Variants in KIF1A observed in about 807,000 individuals in gnomAD.
KIF1A encodes the protein kinesin-like protein KIF1A.
A neutral mutation model predicts 227.3 loss-of-function variants in KIF1A; 46 were observed. That is an observed-to-expected ratio of 0.20 (90% CI 0.16 to 0.26). The LOEUF (loss-of-function observed/expected upper bound fraction) is 0.26. Among genes scored for constraint, KIF1A ranks in the 10% least tolerant of loss-of-function variants. The pLI, the probability that KIF1A is intolerant of heterozygous loss-of-function variation, is 1.00. For synonymous variants in KIF1A, 1,022 were observed against 1,012.8 expected (o/e 1.01, Z -0.17); for missense variants, 1,683 against 2,485.9 (o/e 0.68, Z 6.87).
intron 38 of KIF1A, among the ~76,000 whole-genome samples, chr2:240,729,440 A>G (rs566642614): frequency 6.6e-6 from 1 of 152,306 alleles, no homozygotes; most frequent in African/African-American, 2.4e-5. Context: ...AGGTCCTCCC[A>G]GCCCAGGCAC....
Position 240,747,008 on chromosome 2 carries a change from C to T in KIF1A, c.3063+228G>A, listed in dbSNP as rs113474612. ...CTGCGCCCCGACTTGGACCCTGGAG[C>T]GGCCGTGGTGGGAGATGGGCGGATC... On this transcript the variant is annotated intron_variant, in intron 29 of 48. Coordinates refer to ENST00000498729, the MANE Select transcript of KIF1A (RefSeq NM_001244008.2). Among the ~76,000 whole-genome samples, 161 of 152,268 alleles carry T rather than the reference C, an allele frequency of 1.1e-3. 1 individual carries two copies. Among genetic ancestry groups the T allele is most frequent in the African/African-American group, 3.7e-3 (155 of 41,546 alleles).
At chr2:240,727,791 G>A (rs998766808) in intron 38 of KIF1A, among the ~76,000 whole-genome samples, 5 of 152,202 alleles carry the variant, frequency 3.3e-5, no homozygotes, top group Non-Finnish European at 7.3e-5. Context: ...AACACCTTGG[G>A]TGCCCTCTGC....
At chr2:240,730,781 A>G (rs1460523150) in intron 38 of KIF1A, among the ~76,000 whole-genome samples, 1 of 152,232 alleles carries the variant, frequency 6.6e-6, no homozygotes, top group Non-Finnish European at 1.5e-5. Flanking sequence ...CAAGCAGCCC[A>G]AGAATGGAGC....
At chr2:240,786,767 C>CTG (rs1559530040) in intron 5 of KIF1A, among the ~76,000 whole-genome samples, 41 of 117,748 alleles carry the variant, frequency 3.5e-4, no homozygotes, top group African/African-American at 1.4e-3. Flanking sequence ...AGGGTAGGGG[C>CTG]CACCATCAGG....
intron 27 of KIF1A, among the ~76,000 whole-genome samples, chr2:240,751,124 C>T (rs1401687335): frequency 2.6e-5 from 4 of 152,156 alleles, no homozygotes; most frequent in African/African-American, 4.8e-5. Context: ...GGCCACGGTG[C>T]GGCCCAGCCT....
chr2:240,761,283 G>C lies in KIF1A; in HGVS notation c.2211C>G (p.Gly737=), dbSNP rs566937002. Reference sequence around the variant, plus strand: ...TGGCCTCCTTGAGGAAGATGGCGTTGCCCCACAGCAGGTCCCGCAGAGACG... The same window carrying C: ...TGGCCTCCTTGAGGAAGATGGCGTTCCCCCACAGCAGGTCCCGCAGAGACG... ...QFTSLRDLLW[G]NAIFLKEANA... Residue 737 remains glycine (G), a synonymous_variant, in exon 24 of 49, where the codon GGC becomes GGG. Coordinates refer to ENST00000498729, the MANE Select transcript of KIF1A (RefSeq NM_001244008.2). The C allele has an allele frequency of 2.5e-6, 4 of 1,613,904 alleles. No individual in the cohort carries two copies. The highest frequency in any genetic ancestry group is 1.7e-4 in the Middle Eastern group (1 of 6,034).
intron 20 of KIF1A, among the ~76,000 whole-genome samples, chr2:240,764,289 T>C (rs978786461): frequency 3.9e-5 from 6 of 152,100 alleles, no homozygotes; most frequent in Non-Finnish European, 8.8e-5. Flanking sequence ...AACCCCAAGC[T>C]AAGGCCTCTC....
At chr2:240,817,566 G>A (rs1263545027) in intron 1 of KIF1A, among the ~76,000 whole-genome samples, 3 of 152,192 alleles carry the variant, frequency 2.0e-5, no homozygotes, top group Non-Finnish European at 2.9e-5. Flanking sequence ...CAGGCCTGAC[G>A]GGATTGGCCA....
Position 240,724,345 on chromosome 2 carries a change from T to G in KIF1A, c.4257-309A>C, listed in dbSNP as rs143704490. 426 of 449,890 alleles carry G rather than the reference T, an allele frequency of 9.5e-4. 1 individual carries two copies. Among genetic ancestry groups the G allele is most frequent in the African/African-American group, 7.9e-3 (396 of 50,178 alleles). The allele number at this position is 449,890 out of a possible 1,614,324, so 27.9% of individuals were successfully genotyped here. A position where few individuals can be genotyped will look rare whatever the true frequency, so the allele number is the denominator to read the frequency against. On this transcript the variant is annotated intron_variant, in intron 40 of 48. Coordinates refer to ENST00000498729, the MANE Select transcript of KIF1A (RefSeq NM_001244008.2). ...GGGTACAGGCAACATGAGCACAGCATCTGGCATCTCCAGTCCCTCCACGGC... is the reference window on the plus strand; with the variant it reads ...GGGTACAGGCAACATGAGCACAGCAGCTGGCATCTCCAGTCCCTCCACGGC...
chr2:240,811,968 G>A (rs899491820), intron 1 of KIF1A, among the ~76,000 whole-genome samples: 1 of 152,146 alleles, frequency 6.6e-6, no homozygotes, highest in Non-Finnish European at 1.5e-5. Context: ...ATGTGGGTAT[G>A]TGGGTATGGC....
At chr2:240,756,624 G>A (rs943998972) in intron 27 of KIF1A, among the ~76,000 whole-genome samples, 2 of 152,274 alleles carry the variant, frequency 1.3e-5, no homozygotes, top group Non-Finnish European at 2.9e-5. Context: ...GGTCAGGAGG[G>A]ATGGAGTAGT....
intron 10 of KIF1A, 23 bp downstream of exon 10, chr2:240,782,567 C>T (rs1268964987): frequency 5.2e-6 from 8 of 1,551,284 alleles, no homozygotes; most frequent in Middle Eastern, 1.7e-4. Context: ...GCACCTGCCC[C>T]GGGGCTGAAG....
Position 240,788,352 on chromosome 2 carries a change from G to A in KIF1A, c.184-122C>T. The stretch of plus-strand genomic sequence containing the variant: ...GGTGCCAGGGCAGCACAGTGGGGAG[G>A]GATGCCTGCCCCCCATCCTACTCCT... On this transcript the variant is annotated intron_variant, in intron 3 of 48. Coordinates refer to ENST00000498729, the MANE Select transcript of KIF1A (RefSeq NM_001244008.2). This position sits in a 1 kb window ranked among gnomAD's most constrained non-coding sequence, Gnocchi z 6.6. The A allele has an allele frequency of 1.2e-6, 1 of 842,256 alleles. No homozygotes were observed. The highest frequency in any genetic ancestry group is 1.9e-6 in the Non-Finnish European group (1 of 520,534). 52.2% of individuals were successfully genotyped at this position (842,256 alleles called of 1,614,324 possible).
chr2:240,807,151 TAC>T (rs1553641884), intron 1 of KIF1A, among the ~76,000 whole-genome samples: 3 of 136,138 alleles, frequency 2.2e-5, no homozygotes, highest in African/African-American at 8.2e-5. Context: ...TATATATATA[TAC>T]ACAGAGAGAG....
chr2:240,807,479 T>C (rs1291349694), intron 1 of KIF1A, among the ~76,000 whole-genome samples: 1 of 152,218 alleles, frequency 6.6e-6, no homozygotes, highest in Non-Finnish European at 1.5e-5. Context: ...AGATTAGTTA[T>C]AATACCTAAT....
In KIF1A at chr2:240,793,590, C is replaced by T. The variant is rs917439447; in HGVS notation, c.106+4057G>A. 6.6e-6 allele frequency among the ~76,000 whole-genome samples: 1 copy of T among 152,222 alleles called. No individual in the cohort carries two copies. The highest frequency in any genetic ancestry group is 1.5e-5 in the Non-Finnish European group (1 of 68,046). ...GGACGGAAGCACTCACACTCAACTT[C>T]TGCCCCCAGGCCAACCTACACTAGC... On this transcript the variant is annotated intron_variant, in intron 2 of 48. Coordinates refer to ENST00000498729, the MANE Select transcript of KIF1A (RefSeq NM_001244008.2). The surrounding 1 kb of genome is among the most constrained non-coding windows in gnomAD (Gnocchi z 4.8).
intron 15 of KIF1A, 32 bp from the exon 16 acceptor site, chr2:240,769,738 C>T (rs766946714): frequency 5.7e-6 from 9 of 1,591,748 alleles, no homozygotes; most frequent in South Asian, 5.5e-5. Context: ...AGTGAGCTGC[C>T]GGGGCTAGGG....
intron 28 of KIF1A, among the ~76,000 whole-genome samples, chr2:240,749,674 T>G (rs1026131351): frequency 1.3e-5 from 2 of 151,926 alleles, no homozygotes; most frequent in Non-Finnish European, 2.9e-5. Flanking sequence ...CAAGTACCCT[T>G]CAACATTCCT....
At chr2:240,786,833 G>T (rs1864874) in intron 5 of KIF1A, among the ~76,000 whole-genome samples, 37,055 of 96,832 alleles carry the variant, frequency 0.38, 9,380 homozygotes, top group East Asian at 0.44. Flanking sequence ...AGAGGGTGGG[G>T]GCTGCCTGCT....
Sources: allele counts gnomAD v4.1 joint callset (sites outside exome capture counted in the v4.1 genomes callset), GRCh38; gene constraint gnomAD v4.1.1; non-coding constraint Gnocchi (gnomAD v3.1); transcripts MANE v1.5; gene names NCBI Gene and HGNC (gene_info 2026-07-23, HGNC 2026-07-21).